MAML3: variants seen among roughly 807,000 people sequenced by gnomAD.
MAML3 encodes mastermind-like protein 3.
A neutral mutation model predicts 101.9 loss-of-function variants in MAML3; 27 were observed. That is an observed-to-expected ratio of 0.27 (90% confidence interval 0.20 to 0.37). The LOEUF (loss-of-function observed/expected upper bound fraction) is 0.37, where lower values mean the gene tolerates loss of function less well. MAML3 is among the 10% of genes least tolerant of loss of function. The pLI, the probability that MAML3 is intolerant of heterozygous loss-of-function variation, is 1.00. For missense variants in MAML3, 1,316 were observed against 1,444.9 expected, an observed-to-expected ratio of 0.91 and a Z score of 1.45; for synonymous variants, 501 against 555.9, an observed-to-expected ratio of 0.90 and a Z score of 1.39.
chr4:139,914,593 T>C (rs977752517), intron 1 of MAML3, among the ~76,000 whole-genome samples: 10 of 152,018 alleles, frequency 6.6e-5, no homozygotes, highest in African/African-American at 2.4e-4. Flanking sequence ...TTTAAACTAA[T>C]GGCAAGGAAA....
intron 1 of MAML3, among the ~76,000 whole-genome samples, chr4:140,043,027 A>C (rs2063402): frequency 6.6e-6 from 1 of 151,776 alleles, no homozygotes. Context: ...GATTTTTTTT[A>C]AAAAAACAAA....
intron 1 of MAML3, among the ~76,000 whole-genome samples, chr4:140,012,871 C>G (rs1435440498): frequency 6.6e-6 from 1 of 152,168 alleles, no homozygotes; most frequent in Admixed American, 6.5e-5. Context: ...GGTTTCTACC[C>G]TCAAACTCCT....
chr4:139,885,712 A>T (rs1277231891), intron 2 of MAML3, among the ~76,000 whole-genome samples: 2 of 150,022 alleles, frequency 1.3e-5, no homozygotes, highest in East Asian at 4.0e-4. Context: ...TCACGAGGTC[A>T]GGAGATCGAG....
intron 2 of MAML3, among the ~76,000 whole-genome samples, chr4:139,801,857 T>C (rs1279184393): frequency 1.3e-5 from 2 of 152,084 alleles, no homozygotes; most frequent in Non-Finnish European, 2.9e-5. Flanking sequence ...TGTGAAGAGT[T>C]AATTCCTAAG....
chr4:140,084,005 G>T, intron 1 of MAML3, among the ~76,000 whole-genome samples: 1 of 133,330 alleles, frequency 7.5e-6, no homozygotes, highest in Middle Eastern at 3.8e-3. Flanking sequence ...GAGAGAGAGA[G>T]AATAATGGAA....
At chr4:139,835,101 A>G (rs1357452210) in intron 2 of MAML3, among the ~76,000 whole-genome samples, 1 of 152,250 alleles carries the variant, frequency 6.6e-6, no homozygotes, top group African/African-American at 2.4e-5. Context: ...GTGTTCTTGC[A>G]TAGTGTTTTG....
intron 2 of MAML3, among the ~76,000 whole-genome samples, chr4:139,752,842 T>G (rs1270167951): frequency 6.6e-6 from 1 of 152,160 alleles, no homozygotes; most frequent in African/African-American, 2.4e-5. Flanking sequence ...ATAACCATAG[T>G]TCTTCAGGCT....
intron 2 of MAML3, among the ~76,000 whole-genome samples, chr4:139,864,937 T>TG (rs1731867770): frequency 2.1e-5 from 3 of 143,748 alleles, no homozygotes; most frequent in Non-Finnish European, 4.6e-5. Flanking sequence ...TTTTTTTTTT[T>TG]TTTTTTTTTT....
chr4:140,033,182 T>C (rs1726934631), intron 1 of MAML3, among the ~76,000 whole-genome samples: 1 of 152,228 alleles, frequency 6.6e-6, no homozygotes, highest in African/African-American at 2.4e-5. Context: ...CCTGTGAACA[T>C]CATTGCACTA....
At chr4:139,927,002 A>G (rs1733276563) in intron 1 of MAML3, among the ~76,000 whole-genome samples, 1 of 151,886 alleles carries the variant, frequency 6.6e-6, no homozygotes, top group Non-Finnish European at 1.5e-5. Context: ...ACTTTTGAGG[A>G]GAACTGATGA....
intron 2 of MAML3, among the ~76,000 whole-genome samples, chr4:139,811,350 G>A (rs1265693108): frequency 1.3e-5 from 2 of 152,140 alleles, no homozygotes; most frequent in African/African-American, 2.4e-5. Context: ...GGTGAGTGTG[G>A]GCTGGTCTCT....
intron 2 of MAML3, among the ~76,000 whole-genome samples, chr4:139,867,295 TG>T (rs771638360): frequency 2.0e-5 from 3 of 152,214 alleles, no homozygotes; most frequent in Non-Finnish European, 4.4e-5. Flanking sequence ...ATTTTTCTGG[TG>T]ATATTGCTGT....
chr4:140,086,907 C>A (rs1727962425), intron 1 of MAML3, among the ~76,000 whole-genome samples: 1 of 152,160 alleles, frequency 6.6e-6, no homozygotes, highest in African/African-American at 2.4e-5. Context: ...CGCCTGTAAT[C>A]CCAGCACTTT....
chr4:139,771,132 C>T (rs1433562498), intron 2 of MAML3, among the ~76,000 whole-genome samples: 1 of 152,222 alleles, frequency 6.6e-6, no homozygotes, highest in African/African-American at 2.4e-5. Context: ...GTTACAGCTA[C>T]AGTTTATAAA....
At chr4:139,744,988 A>G (rs1413676178) in intron 2 of MAML3, among the ~76,000 whole-genome samples, 1 of 152,222 alleles carries the variant, frequency 6.6e-6, no homozygotes, top group East Asian at 1.9e-4. Flanking sequence ...ATTCTCCTTT[A>G]TGAAATGAGG....
At chr4:140,132,999 A>G (rs960953031) in intron 1 of MAML3, 1 of 395,710 alleles carries the variant, frequency 2.5e-6, no homozygotes, top group Non-Finnish European at 5.0e-6. Context: ...GACTATAAGT[A>G]CTATCAAAAA....
intron 1 of MAML3, among the ~76,000 whole-genome samples, chr4:140,042,154 C>T (rs892912430): frequency 6.6e-6 from 1 of 152,186 alleles, no homozygotes; most frequent in Non-Finnish European, 1.5e-5. Flanking sequence ...CGACTCCCAA[C>T]CCAGCACCCA....
At chr4:140,114,615 C>T (rs1031005598) in intron 1 of MAML3, among the ~76,000 whole-genome samples, 1 of 152,202 alleles carries the variant, frequency 6.6e-6, no homozygotes, top group Non-Finnish European at 1.5e-5. Flanking sequence ...GGTGTATACA[C>T]GTATGTCTTT....
chr4:139,754,074 T>C (rs1458005209), intron 2 of MAML3, among the ~76,000 whole-genome samples: 1 of 152,240 alleles, frequency 6.6e-6, no homozygotes, highest in Non-Finnish European at 1.5e-5. Context: ...AATGTGATAA[T>C]TATAGACTAA....
Sources: gnomAD v4.1 joint callset for allele counts (sites outside exome capture counted in the v4.1 genomes callset) on GRCh38, gnomAD v4.1.1 for gene constraint, MANE v1.5 for transcripts, NCBI Gene and HGNC (gene_info 2026-07-23, HGNC 2026-07-21) for gene names.